The following CLVS2 variants were observed in gnomAD, a reference collection of about 807,000 sequenced individuals.
The protein encoded by CLVS2 is clavesin 2, also known as clavesin-2.
Under a neutral mutation model 29.0 loss-of-function variants are expected in CLVS2, and 19 were observed. The observed-to-expected ratio is 0.66, with a 90% confidence interval of 0.46 to 0.96. The LOEUF (loss-of-function observed/expected upper bound fraction) is 0.96. CLVS2 is among the 40% of genes least tolerant of loss of function. The pLI, the probability that CLVS2 is intolerant of heterozygous loss-of-function variation, is 0.00. For synonymous variants in CLVS2, 161 were observed against 151.3 expected, an observed-to-expected ratio of 1.06 and a Z score of -0.47; for missense variants, 294 against 404.1, an observed-to-expected ratio of 0.73 and a Z score of 2.34.
intron 2 of CLVS2, among the ~76,000 whole-genome samples, chr6:123,006,084 A>G (rs1389972753): frequency 1.3e-5 from 2 of 152,226 alleles, no homozygotes; most frequent in Non-Finnish European, 2.9e-5. Flanking sequence ...CTGAAGCACT[A>G]TAATTTCAGA....
intron 3 of CLVS2, among the ~76,000 whole-genome samples, chr6:123,021,443 T>TC: frequency 6.6e-6 from 1 of 152,156 alleles, no homozygotes; most frequent in South Asian, 2.1e-4. Flanking sequence ...AAAAAATTAT[T>TC]ATTTTTTCCT....
intron 3 of CLVS2, among the ~76,000 whole-genome samples, chr6:123,014,803 C>G (rs1363848508): frequency 1.3e-5 from 2 of 152,022 alleles, no homozygotes; most frequent in Non-Finnish European, 2.9e-5. Flanking sequence ...GGTGCTCAGA[C>G]TTTAGATACA....
chr6:123,023,854 T>A (rs1240963643), intron 3 of CLVS2, among the ~76,000 whole-genome samples: 1 of 152,108 alleles, frequency 6.6e-6, no homozygotes, highest in Non-Finnish European at 1.5e-5. Flanking sequence ...TTTTATCACA[T>A]CAAAAATAGG....
Position 123,069,751 on chromosome 6 carries a change from A to G in CLVS2, c.*5990A>G, listed in dbSNP as rs1450924748. Reference sequence around the variant, plus strand: ...TCTTCAGGAGGATCGAGTAGAAAATATTTTCTACTCGAAGAGGCCATGGGG... The same window carrying G: ...TCTTCAGGAGGATCGAGTAGAAAATGTTTTCTACTCGAAGAGGCCATGGGG... On this transcript the variant is annotated 3_prime_UTR_variant, in exon 6 of 6. Coordinates refer to ENST00000275162, the MANE Select transcript of CLVS2 (RefSeq NM_001010852.4). 1 of 151,674 alleles carries G rather than the reference A, an allele frequency of 6.6e-6. No individual in the cohort carries two copies. Among genetic ancestry groups the G allele is most frequent in the Non-Finnish European group, 1.5e-5 (1 of 67,808 alleles). 9.4% of individuals were successfully genotyped at this position (151,674 alleles called of 1,614,324 possible).
intron 3 of CLVS2, among the ~76,000 whole-genome samples, chr6:123,039,350 G>A (rs779541516): frequency 6.6e-6 from 1 of 152,094 alleles, no homozygotes; most frequent in Non-Finnish European, 1.5e-5. Flanking sequence ...GCCTCAATAC[G>A]GTTCATAGAA....
At chr6:123,006,016 TCAAA>T (rs1448322861) in intron 2 of CLVS2, among the ~76,000 whole-genome samples, 4 of 152,194 alleles carry the variant, frequency 2.6e-5, no homozygotes. Flanking sequence ...GAAAGTGGTA[TCAAA>T]CAGTGAAAGA....
intron 3 of CLVS2, among the ~76,000 whole-genome samples, chr6:123,017,073 A>C (rs1445713065): frequency 1.5e-5 from 2 of 136,176 alleles, no homozygotes; most frequent in Non-Finnish European, 3.1e-5. Context: ...AACAGCTTTG[A>C]AATTGCATGT....
chr6:123,032,050 T>G (rs1056622703), intron 3 of CLVS2, among the ~76,000 whole-genome samples: 11 of 152,106 alleles, frequency 7.2e-5, no homozygotes, highest in Non-Finnish European at 1.5e-4. Context: ...GTCACTTTCT[T>G]TTCTAATTTG....
chr6:123,037,165 A>G (rs1052677844), intron 3 of CLVS2, among the ~76,000 whole-genome samples: 1 of 152,008 alleles, frequency 6.6e-6, no homozygotes, highest in South Asian at 2.1e-4. Context: ...GACACTTGAA[A>G]TTCACATCAC....
Position 123,067,841 on chromosome 6 carries a change from G to T in CLVS2, c.*4080G>T, listed in dbSNP as rs1402518622. On this transcript the variant is annotated 3_prime_UTR_variant, in exon 6 of 6. Transcript: ENST00000275162. Reference sequence around the variant, plus strand: ...GTGTAATTATCTTCAGTAATGAAAAGGATTTGTTTTCTTGTTTTTGTCTTT... The same window carrying T: ...GTGTAATTATCTTCAGTAATGAAAATGATTTGTTTTCTTGTTTTTGTCTTT... 1 of 151,568 alleles carries T rather than the reference G, an allele frequency of 6.6e-6. No individual in the cohort carries two copies. Among genetic ancestry groups the T allele is most frequent in the Non-Finnish European group, 1.5e-5 (1 of 67,656 alleles). 9.4% of individuals were successfully genotyped at this position (151,568 alleles called of 1,614,324 possible). A position where few individuals can be genotyped will look rare whatever the true frequency, so the allele number is the denominator to read the frequency against.
intron 3 of CLVS2, among the ~76,000 whole-genome samples, chr6:123,029,102 C>T (rs116740126): frequency 3.9e-5 from 6 of 152,272 alleles, no homozygotes; most frequent in African/African-American, 1.2e-4. Context: ...CATGCCTGCA[C>T]CCTGATCTTT....
chr6:123,061,494 A>G (rs1205841745), intron 5 of CLVS2, among the ~76,000 whole-genome samples: 1 of 152,206 alleles, frequency 6.6e-6, no homozygotes, highest in Non-Finnish European at 1.5e-5. Context: ...TAAATACCAA[A>G]AAGAAAAAGA....
At chr6:123,040,709 A>C (rs1775216571) in intron 3 of CLVS2, among the ~76,000 whole-genome samples, 1 of 151,608 alleles carries the variant, frequency 6.6e-6, no homozygotes, top group Non-Finnish European at 1.5e-5. Flanking sequence ...CTGAAGTTGC[A>C]GTGAGCCGAG....
chr6:123,040,705 T>C (rs1459311151), intron 3 of CLVS2, among the ~76,000 whole-genome samples: 1 of 150,728 alleles, frequency 6.6e-6, no homozygotes, highest in African/African-American at 2.4e-5. Context: ...GAGGCTGAAG[T>C]TGCAGTGAGC....
chr6:123,022,642 A>C (rs1416987985), intron 3 of CLVS2, among the ~76,000 whole-genome samples: 1 of 152,086 alleles, frequency 6.6e-6, no homozygotes, highest in Non-Finnish European at 1.5e-5. Context: ...ATTTATTTCC[A>C]AAATCAAAAT....
At chr6:123,028,754 AT>A (rs1228064670) in intron 3 of CLVS2, among the ~76,000 whole-genome samples, 2 of 151,900 alleles carry the variant, frequency 1.3e-5, no homozygotes, top group African/African-American at 2.4e-5. Flanking sequence ...TCATTTTTAT[AT>A]TTTTTTCTCC....
intron 2 of CLVS2, among the ~76,000 whole-genome samples, chr6:123,003,593 T>TTTGG (rs5879656): frequency 0.73 from 110,839 of 151,696 alleles, 40,955 homozygotes; most frequent in East Asian, 0.91. Flanking sequence ...AAAAATACAC[T>TTTGG]TTGAGAATTT....
intron 3 of CLVS2, among the ~76,000 whole-genome samples, chr6:123,017,090 G>A (rs200152925): frequency 7.6e-5 from 1 of 13,164 alleles, no homozygotes; most frequent in Non-Finnish European, 1.3e-4. Context: ...ATGTGTGTAT[G>A]TGTGTGTGTG....
Position 123,051,679 on chromosome 6 carries a change from CT to C in CLVS2, c.675+2948del, listed in dbSNP as rs780634868. 2.6e-3 allele frequency among the ~76,000 whole-genome samples: 390 copies of C among 152,262 alleles called. 2 individuals are homozygous for C. The highest frequency in any genetic ancestry group is 5.8e-3 in the Admixed American group (88 of 15,278). On this transcript the variant is annotated intron_variant, in intron 4 of 5. Coordinates refer to ENST00000275162, the MANE Select transcript of CLVS2 (RefSeq NM_001010852.4). ...TTGTTGATTCTCAAAAGACTTTCAT[CT>C]GTTCTTTTTCACTCCAGATCACTTA...
Sources: allele counts gnomAD v4.1 joint callset (sites outside exome capture counted in the v4.1 genomes callset), GRCh38; gene constraint gnomAD v4.1.1; transcripts MANE v1.5; gene names NCBI Gene and HGNC (gene_info 2026-07-23, HGNC 2026-07-21).